GRID1: variants seen among roughly 807,000 people sequenced by gnomAD.
GRID1 encodes the protein glutamate receptor ionotropic, delta-1.
Under a neutral mutation model 98.0 loss-of-function variants are expected in GRID1, and 28 were observed. That is an observed-to-expected ratio of 0.29 (90% CI 0.21 to 0.39). The LOEUF (loss-of-function observed/expected upper bound fraction) is 0.39. Among genes scored for constraint, GRID1 ranks in the 10% least tolerant of loss-of-function variants. The probability of loss-of-function intolerance (pLI) is 1.00; values close to 1 mark genes in which losing one functional copy is unlikely to be tolerated. For missense variants in GRID1, 1,111 were observed against 1,340.5 expected, an observed-to-expected ratio of 0.83 and a Z score of 2.67; for synonymous variants, 553 against 538.5, an observed-to-expected ratio of 1.03 and a Z score of -0.37.
chr10:86,161,594 G>A (rs191976802), intron 3 of GRID1, among the ~76,000 whole-genome samples: 10 of 152,322 alleles, frequency 6.6e-5, no homozygotes, highest in African/African-American at 1.7e-4. Context: ...GAGGGTCTCT[G>A]TAGGCCATGA....
chr10:86,228,733 CCA>C (rs36088084), intron 2 of GRID1, among the ~76,000 whole-genome samples: 43,098 of 151,856 alleles, frequency 0.28, 6,958 homozygotes, highest in Non-Finnish European at 0.38. Context: ...CAAGAGACAC[CCA>C]CACACACACA....
intron 13 of GRID1, among the ~76,000 whole-genome samples, chr10:85,637,668 A>G (rs1843063744): frequency 1.3e-5 from 2 of 152,168 alleles, no homozygotes; most frequent in Admixed American, 1.3e-4. Context: ...AATTTCCTTT[A>G]TCTTCCTGTA....
intron 12 of GRID1, among the ~76,000 whole-genome samples, chr10:85,689,660 AATGGAAAGAAACAAATATTAC>A (rs1841311134): frequency 6.6e-6 from 1 of 152,176 alleles, no homozygotes; most frequent in African/African-American, 2.4e-5. Flanking sequence ...AAGGAAAACC[AATGGAAAGAAACAAATATTAC>A]TGGTACCCAT....
chr10:85,648,474 G>T (rs1843225584), intron 12 of GRID1, among the ~76,000 whole-genome samples: 1 of 152,068 alleles, frequency 6.6e-6, no homozygotes. Context: ...AGAAATCTCA[G>T]TCTCTCCTCT....
At chr10:85,870,198 G>C (rs987773179) in intron 5 of GRID1, among the ~76,000 whole-genome samples, 2 of 152,242 alleles carry the variant, frequency 1.3e-5, no homozygotes, top group East Asian at 3.9e-4. Flanking sequence ...GGCAGAAGAA[G>C]CTGGAAAGAG....
intron 2 of GRID1, among the ~76,000 whole-genome samples, chr10:86,285,806 A>T: frequency 6.6e-6 from 1 of 152,352 alleles, no homozygotes; most frequent in Middle Eastern, 3.4e-3. Context: ...CATCACTGAT[A>T]GGACTTTAAG....
At chr10:86,241,090 A>T (rs1028421489) in intron 2 of GRID1, among the ~76,000 whole-genome samples, 1 of 152,226 alleles carries the variant, frequency 6.6e-6, no homozygotes, top group African/African-American at 2.4e-5. Flanking sequence ...CTTTGGAATC[A>T]GTGGCCACTG....
At chr10:86,333,665 A>C (rs1295399482) in intron 2 of GRID1, among the ~76,000 whole-genome samples, 1 of 152,242 alleles carries the variant, frequency 6.6e-6, no homozygotes, top group East Asian at 1.9e-4. Context: ...TAAACAGTCT[A>C]TTAACACATA....
intron 2 of GRID1, among the ~76,000 whole-genome samples, chr10:86,217,919 G>A (rs571124088): frequency 1.3e-4 from 20 of 152,044 alleles, no homozygotes; most frequent in Non-Finnish European, 2.5e-4. Flanking sequence ...CTGCAGCCCC[G>A]GGCCACCGGG....
chr10:85,782,834 T>A (rs1842392906), intron 8 of GRID1, among the ~76,000 whole-genome samples: 1 of 152,240 alleles, frequency 6.6e-6, no homozygotes, highest in African/African-American at 2.4e-5. Flanking sequence ...CAAATTAGTG[T>A]ACGTGCACGT....
chr10:86,234,124 T>C (rs1846499011), intron 2 of GRID1, among the ~76,000 whole-genome samples: 5 of 152,152 alleles, frequency 3.3e-5, no homozygotes, highest in Admixed American at 3.3e-4. Flanking sequence ...TGCCCACACT[T>C]CTAGGAAAAC....
intron 2 of GRID1, among the ~76,000 whole-genome samples, chr10:86,207,777 A>G (rs1453401658): frequency 6.6e-6 from 1 of 151,636 alleles, no homozygotes; most frequent in Non-Finnish European, 1.5e-5. Context: ...GACTACAGGC[A>G]CGCGCCACCA....
At chr10:85,694,546 GTGTGTATATATATATATATA>G (rs1841368221) in intron 12 of GRID1, among the ~76,000 whole-genome samples, 6 of 78,126 alleles carry the variant, frequency 7.7e-5, no homozygotes, top group African/African-American at 2.9e-4. Flanking sequence ...AGAAAATGTG[GTGTGTATATATATATATATA>G]TATATATATA....
intron 3 of GRID1, among the ~76,000 whole-genome samples, chr10:86,159,536 C>T (rs1845290969): frequency 6.6e-6 from 1 of 150,828 alleles, no homozygotes; most frequent in South Asian, 2.1e-4. Context: ...GGTGGCTGTA[C>T]CCTCTAGGTC....
intron 4 of GRID1, among the ~76,000 whole-genome samples, chr10:85,917,116 T>C (rs919527828): frequency 9.2e-5 from 14 of 152,134 alleles, no homozygotes; most frequent in African/African-American, 2.7e-4. Flanking sequence ...AGCCAACAGA[T>C]TGGAAGAATT....
intron 2 of GRID1, among the ~76,000 whole-genome samples, chr10:86,277,432 T>C (rs1420356316): frequency 1.3e-5 from 2 of 152,206 alleles, no homozygotes; most frequent in African/African-American, 2.4e-5. Context: ...ATAAAAGCCA[T>C]TCTTGAATTT....
chr10:85,615,130 C>T (rs1488934226), intron 14 of GRID1, among the ~76,000 whole-genome samples: 1 of 152,176 alleles, frequency 6.6e-6, no homozygotes, highest in Non-Finnish European at 1.5e-5. Context: ...TGAGGTCTTG[C>T]TCAATTCCCA....
intron 4 of GRID1, among the ~76,000 whole-genome samples, chr10:86,066,542 G>T (rs570225055): frequency 6.6e-6 from 1 of 152,278 alleles, no homozygotes; most frequent in South Asian, 2.1e-4. Context: ...TCAAACCCAA[G>T]TTTGTATCCT....
At chr10:85,796,390 A>T (rs1320067464) in intron 8 of GRID1, among the ~76,000 whole-genome samples, 1 of 152,240 alleles carries the variant, frequency 6.6e-6, no homozygotes, top group Non-Finnish European at 1.5e-5. Context: ...ATTCTTACAG[A>T]GAAAAAATGG....
Sources: gnomAD v4.1 joint callset for allele counts (sites outside exome capture counted in the v4.1 genomes callset) on GRCh38, gnomAD v4.1.1 for gene constraint, MANE v1.5 for transcripts, NCBI Gene and HGNC (gene_info 2026-07-23, HGNC 2026-07-21) for gene names.